Variants in FOXN3 observed in about 807,000 individuals in gnomAD.
FOXN3 encodes forkhead box protein N3.
In FOXN3, 7 loss-of-function variants were observed where a neutral mutation model predicts 38.4. That is an observed-to-expected ratio of 0.18 (90% CI 0.10 to 0.34). The LOEUF is 0.34. Ranked by LOEUF, FOXN3 falls within the 10% of genes least tolerant of loss-of-function variation. FOXN3 has a pLI of 1.00. For synonymous variants in FOXN3, 230 were observed against 242.2 expected, an observed-to-expected ratio of 0.95 and a Z score of 0.47; for missense variants, 456 against 613.4, an observed-to-expected ratio of 0.74 and a Z score of 2.71.
chr14:89,456,966 T>C (rs559860229), intron 1 of FOXN3, among the ~76,000 whole-genome samples: 105 of 152,254 alleles, frequency 6.9e-4, no homozygotes, highest in African/African-American at 2.3e-3. Flanking sequence ...ATGGGAAACA[T>C]TGAATATGAA....
chr14:89,380,446 C>T (rs147793519), intron 2 of FOXN3, among the ~76,000 whole-genome samples: 50 of 152,342 alleles, frequency 3.3e-4, no homozygotes, highest in African/African-American at 1.2e-3. Flanking sequence ...GGACTTTAGT[C>T]AAGCCTAAAC....
intron 1 of FOXN3, among the ~76,000 whole-genome samples, chr14:89,438,769 CT>C (rs374694304): frequency 0.047 from 6,950 of 146,582 alleles, 223 homozygotes; most frequent in Middle Eastern, 0.12. Flanking sequence ...TCTTTTCTTT[CT>C]TTTTTTTTTT....
At chr14:89,378,205 T>C (rs747709028) in intron 2 of FOXN3, among the ~76,000 whole-genome samples, 1 of 152,188 alleles carries the variant, frequency 6.6e-6, no homozygotes, top group Non-Finnish European at 1.5e-5. Context: ...GTGCATATTA[T>C]CCATTCATTG....
rs765390461 is a variant in FOXN3, at chr14:89,162,615, G to A, written c.1206C>T (p.Phe402=). Residue 402 remains phenylalanine (F), a synonymous_variant, in exon 6 of 6, where the codon TTC becomes TTT. Coordinates refer to ENST00000557258, the MANE Select transcript of FOXN3 (RefSeq NM_005197.4). This position sits in a 1 kb window ranked among gnomAD's most constrained non-coding sequence, Gnocchi z 7.2. ...YASQHKKRQH[F]AKARKVPSDT... ...CGCTGGGGACCTTCCTGGCCTTGGCGAAGTGCTGGCGCTTCTTGTGCTGGG... is the reference window on the plus strand; with the variant it reads ...CGCTGGGGACCTTCCTGGCCTTGGCAAAGTGCTGGCGCTTCTTGTGCTGGG... The A allele has an allele frequency of 7.4e-6, 12 of 1,613,966 alleles. No individual in the cohort carries two copies. Among genetic ancestry groups the A allele is most frequent in the Middle Eastern group, 3.3e-4 (2 of 6,062 alleles).
chr14:89,306,029 C>A (rs1331450024), intron 3 of FOXN3, among the ~76,000 whole-genome samples: 1 of 152,220 alleles, frequency 6.6e-6, no homozygotes, highest in East Asian at 1.9e-4. Context: ...GAGAACACCA[C>A]CACCATTTTC....
intron 1 of FOXN3, among the ~76,000 whole-genome samples, chr14:89,510,084 C>G (rs1487621621): frequency 1.3e-5 from 2 of 152,122 alleles, no homozygotes; most frequent in Admixed American, 6.5e-5. Context: ...GCAGGCAGAC[C>G]TCCTCCTGGG....
chr14:89,369,880 T>A (rs893830387), intron 2 of FOXN3, among the ~76,000 whole-genome samples: 13 of 152,232 alleles, frequency 8.5e-5, no homozygotes, highest in African/African-American at 3.1e-4. Context: ...AAAGTAAAGT[T>A]CAGACAAGTT....
chr14:89,537,233 G>A (rs960245578), intron 1 of FOXN3, among the ~76,000 whole-genome samples: 4 of 152,342 alleles, frequency 2.6e-5, no homozygotes, highest in African/African-American at 9.6e-5. Flanking sequence ...ACAGAATGGA[G>A]GATTCCCGGT....
intron 2 of FOXN3, among the ~76,000 whole-genome samples, chr14:89,399,503 T>G (rs902992185): frequency 1.4e-4 from 22 of 152,312 alleles, no homozygotes; most frequent in African/African-American, 4.8e-4. Flanking sequence ...GGCTGTTATG[T>G]TTTTGGGACA....
chr14:89,195,956 G>A (rs1333542731), intron 4 of FOXN3, among the ~76,000 whole-genome samples: 1 of 152,018 alleles, frequency 6.6e-6, no homozygotes, highest in African/African-American at 2.4e-5. Context: ...ATAGAGTTAT[G>A]ACCAACCATC....
intron 2 of FOXN3, among the ~76,000 whole-genome samples, chr14:89,407,886 A>C (rs978060377): frequency 6.6e-6 from 1 of 152,218 alleles, no homozygotes; most frequent in Non-Finnish European, 1.5e-5. Flanking sequence ...AAGAATAAAT[A>C]AAATAAGTGT....
At chr14:89,408,021 T>C (rs1321034561) in intron 2 of FOXN3, among the ~76,000 whole-genome samples, 2 of 152,202 alleles carry the variant, frequency 1.3e-5, no homozygotes, top group African/African-American at 4.8e-5. Flanking sequence ...AAAACTCTTA[T>C]CTTCTGAAGT....
Position 89,450,654 on chromosome 14 carries a change from C to T in FOXN3, c.-14-38164G>A, listed in dbSNP as rs530969766. Among the ~76,000 whole-genome samples the T allele has an allele frequency of 5.9e-5, 9 of 151,770 alleles. No homozygotes were observed. The South Asian group carries it at 1.9e-3, about 32-fold the overall frequency. On this transcript the variant is annotated intron_variant, in intron 1 of 6. Coordinates refer to the FOXN3 transcript ENST00000345097. ...AGGCTGGAGTGCAGTGGCACAATCT[C>T]GGCTCACTGTAACATCCGCCTCCAG... is the stretch of plus-strand genomic sequence containing the variant.
At chr14:89,505,248 CTCTCCCTCTCCCTCTCCCTCTCCT>C (rs1246624129) in intron 1 of FOXN3, among the ~76,000 whole-genome samples, 5 of 150,800 alleles carry the variant, frequency 3.3e-5, no homozygotes, top group African/African-American at 7.4e-5. Flanking sequence ...ACACTGTCCC[CTCTCCCTCTCCCTCTCCCTCTCCT>C]TCTCCCTCCC....
rs1887152912 is a variant in FOXN3 at position 89,163,236 on chromosome 14, T to C, written c.852-267A>G. On this transcript the variant is annotated intron_variant, in intron 5 of 5. Transcript: ENST00000557258. This position sits in a 1 kb window ranked among gnomAD's most constrained non-coding sequence, Gnocchi z 4.3. ...CTGAGACGTCAAAACAACAATCTTC[T>C]GAAGCGACAGTGGTGGAGGCTCCAT... Among the ~76,000 whole-genome samples, 1 of 152,198 alleles carries C rather than the reference T, an allele frequency of 6.6e-6. No homozygotes were observed. The highest frequency in any genetic ancestry group is 1.5e-5 in the Non-Finnish European group (1 of 68,034).
chr14:89,170,392 A>AT (rs1468366193), intron 5 of FOXN3, among the ~76,000 whole-genome samples: 1 of 152,110 alleles, frequency 6.6e-6, no homozygotes, highest in African/African-American at 2.4e-5. Context: ...GAAAAGACAT[A>AT]TTTTCTGATG....
intron 3 of FOXN3, among the ~76,000 whole-genome samples, chr14:89,302,930 T>A (rs893286388): frequency 7.2e-5 from 11 of 152,266 alleles, no homozygotes; most frequent in African/African-American, 2.6e-4. Flanking sequence ...TGTAGGGCAT[T>A]CTTTGCCTGC....
chr14:89,433,677 G>T (rs561747014), intron 1 of FOXN3, among the ~76,000 whole-genome samples: 1 of 151,534 alleles, frequency 6.6e-6, no homozygotes, highest in Non-Finnish European at 1.5e-5. Flanking sequence ...GGTGGCAGGC[G>T]CCTGTAATCC....
chr14:89,252,951 G>A (rs926096792), intron 4 of FOXN3, among the ~76,000 whole-genome samples: 1 of 152,198 alleles, frequency 6.6e-6, no homozygotes, highest in Non-Finnish European at 1.5e-5. Context: ...ACCAAAGTGG[G>A]AAGCGCAGTC....
Sources: allele counts gnomAD v4.1 joint callset (sites outside exome capture counted in the v4.1 genomes callset), GRCh38; gene constraint gnomAD v4.1.1; non-coding constraint Gnocchi (gnomAD v3.1); transcripts MANE v1.5; gene names NCBI Gene and HGNC (gene_info 2026-07-23, HGNC 2026-07-21).